Variants in BBX observed in about 807,000 individuals in gnomAD.
BBX encodes the protein BBX high mobility group box domain containing, also known as HMG box transcription factor BBX.
Under a neutral mutation model 100.2 loss-of-function variants are expected in BBX, and 30 were observed. The ratio of observed to expected loss-of-function variants is 0.30; its 90% confidence interval spans 0.22 to 0.41. The LOEUF is 0.41. Ranked by LOEUF, BBX falls within the 10% of genes least tolerant of loss-of-function variation. The probability of loss-of-function intolerance (pLI) is 1.00; values close to 1 mark genes in which losing one functional copy is unlikely to be tolerated. For missense variants in BBX, 1,023 were observed against 1,129.8 expected, an observed-to-expected ratio of 0.91 and a Z score of 1.35; for synonymous variants, 376 against 388.1, an observed-to-expected ratio of 0.97 and a Z score of 0.37.
At chr3:107,604,422 G>T (rs669471) in intron 2 of BBX, among the ~76,000 whole-genome samples, 2 of 151,996 alleles carry the variant, frequency 1.3e-5, no homozygotes, top group Non-Finnish European at 2.9e-5. Context: ...AGGTTCTTCG[G>T]TATTCTGGTC....
intron 10 of BBX, among the ~76,000 whole-genome samples, chr3:107,768,987 T>A (rs1486124141): frequency 2.2e-5 from 2 of 89,178 alleles, no homozygotes; most frequent in African/African-American, 9.1e-5. Flanking sequence ...GCAAGATGCC[T>A]ATTCTCTACG....
chr3:107,796,990 T>C (rs940739405), intron 15 of BBX, among the ~76,000 whole-genome samples: 41 of 152,174 alleles, frequency 2.7e-4, no homozygotes, highest in Admixed American at 2.6e-3. Context: ...CCATCTGTTA[T>C]GCAATATTGA....
intron 3 of BBX, among the ~76,000 whole-genome samples, chr3:107,650,272 C>T (rs2057763823): frequency 6.6e-6 from 1 of 152,138 alleles, no homozygotes; most frequent in African/African-American, 2.4e-5. Context: ...ATTAGATTCT[C>T]ATAGGAACCT....
chr3:107,565,882 T>C (rs1232792654), intron 2 of BBX, among the ~76,000 whole-genome samples: 2 of 151,924 alleles, frequency 1.3e-5, no homozygotes, highest in African/African-American at 2.4e-5. Context: ...GGTGTTAAGA[T>C]AGTTTGTTGG....
intron 5 of BBX, among the ~76,000 whole-genome samples, chr3:107,724,647 C>T (rs2062788476): frequency 6.6e-6 from 1 of 152,168 alleles, no homozygotes; most frequent in Admixed American, 6.5e-5. Context: ...TTTCCCAGCA[C>T]CATTTGTTAA....
chr3:107,801,420 A>C, intron 17 of BBX, 139 bp downstream of exon 17: 3 of 859,876 alleles, frequency 3.5e-6, no homozygotes, highest in Non-Finnish European at 3.5e-6. Context: ...GTATTACAAA[A>C]GCATATATGC....
chr3:107,567,914 C>T (rs2051043317), intron 2 of BBX, among the ~76,000 whole-genome samples: 1 of 151,946 alleles, frequency 6.6e-6, no homozygotes. Flanking sequence ...GTTTTTCTCA[C>T]AACATCTACA....
chr3:107,705,054 A>G (rs2061313266), intron 3 of BBX, among the ~76,000 whole-genome samples: 1 of 152,178 alleles, frequency 6.6e-6, no homozygotes, highest in Admixed American at 6.5e-5. Flanking sequence ...GTGTGATTTG[A>G]AAGTCCCAGA....
At chr3:107,570,513 G>A (rs746811395) in intron 2 of BBX, among the ~76,000 whole-genome samples, 1 of 152,144 alleles carries the variant, frequency 6.6e-6, no homozygotes, top group Non-Finnish European at 1.5e-5. Context: ...TGATTTGGGA[G>A]AGGTCGGATA....
At chr3:107,710,339 TAATC>T (rs1394146538) in intron 3 of BBX, 109 bp from the exon 4 acceptor site, 7 of 793,496 alleles carry the variant, frequency 8.8e-6, no homozygotes, top group Non-Finnish European at 1.4e-5. Flanking sequence ...ATAATCTAAT[TAATC>T]CTAAAGGGAG....
intron 12 of BBX, among the ~76,000 whole-genome samples, chr3:107,777,684 T>A (rs2067437586): frequency 6.6e-6 from 1 of 152,200 alleles, no homozygotes; most frequent in Non-Finnish European, 1.5e-5. Flanking sequence ...ATTTCTGAAG[T>A]CATTGATGAT....
At chr3:107,572,134 G>A (rs1338464053) in intron 2 of BBX, among the ~76,000 whole-genome samples, 2 of 152,150 alleles carry the variant, frequency 1.3e-5, no homozygotes, top group African/African-American at 4.8e-5. Context: ...CAGAAAGTAC[G>A]TTACCTTCTT....
chr3:107,585,225 T>G (rs904929629), intron 2 of BBX, among the ~76,000 whole-genome samples: 2 of 152,066 alleles, frequency 1.3e-5, no homozygotes, highest in Non-Finnish European at 2.9e-5. Flanking sequence ...GGAGAGGTGT[T>G]CTGGAGGAAT....
At chr3:107,525,842 T>A (rs1206854269) in intron 1 of BBX, among the ~76,000 whole-genome samples, 2 of 152,180 alleles carry the variant, frequency 1.3e-5, no homozygotes, top group Non-Finnish European at 2.9e-5. Context: ...CGCCCAGGTC[T>A]GAAAGGCTGA....
chr3:107,740,444 C>A (rs2063995872), intron 7 of BBX, among the ~76,000 whole-genome samples: 2 of 152,060 alleles, frequency 1.3e-5, no homozygotes, highest in African/African-American at 4.8e-5. Flanking sequence ...TCTCACATCT[C>A]AAATGGCTTA....
chr3:107,542,177 T>C (rs1314060914), intron 2 of BBX, among the ~76,000 whole-genome samples: 1 of 152,180 alleles, frequency 6.6e-6, no homozygotes, highest in Non-Finnish European at 1.5e-5. Context: ...TATCTTTAAG[T>C]TCCCCAAGAG....
At chr3:107,750,768 T>C (rs1471008772) in intron 9 of BBX, among the ~76,000 whole-genome samples, 1 of 152,216 alleles carries the variant, frequency 6.6e-6, no homozygotes, top group Non-Finnish European at 1.5e-5. Context: ...GCATATGTAT[T>C]GCAACAGAAA....
intron 2 of BBX, among the ~76,000 whole-genome samples, chr3:107,603,054 C>T (rs550683025): frequency 6.6e-6 from 1 of 152,262 alleles, no homozygotes; most frequent in African/African-American, 2.4e-5. Context: ...AGCTCCACCT[C>T]CCAGGTTCAC....
chr3:107,788,200 G>A (rs902698238), intron 13 of BBX, among the ~76,000 whole-genome samples: 1 of 152,146 alleles, frequency 6.6e-6, no homozygotes, highest in African/African-American at 2.4e-5. Context: ...AAGGACAAGG[G>A]CCAAGCCCAG....
Sources: gnomAD v4.1 joint callset for allele counts (sites outside exome capture counted in the v4.1 genomes callset) on GRCh38, gnomAD v4.1.1 for gene constraint, MANE v1.5 for transcripts, NCBI Gene and HGNC (gene_info 2026-07-23, HGNC 2026-07-21) for gene names.